Variants in IFNG observed in about 807,000 individuals in gnomAD.
IFNG encodes interferon gamma.
A neutral mutation model predicts 14.4 loss-of-function variants in IFNG; 8 were observed. The ratio of observed to expected loss-of-function variants is 0.56; its 90% CI spans 0.33 to 1.00. The LOEUF (loss-of-function observed/expected upper bound fraction) is 1.00, where lower values mean the gene tolerates loss of function less well. Among genes scored for constraint, IFNG ranks in the 50% least tolerant of loss-of-function variants. The pLI, the probability that IFNG is intolerant of heterozygous loss-of-function variation, is 0.03. For synonymous variants in IFNG, 73 were observed against 65.4 expected (o/e 1.12, Z -0.56); for missense variants, 132 against 194.9 (o/e 0.68, Z 1.92).
Position 68,155,399 on chromosome 12 carries a change from C to T in IFNG, c.455G>A (p.Arg152Gln), listed in dbSNP as rs377736305. Reference protein sequence around the residue: ...ELSPAAKTGKRKRSQMLFRGR... With the variant: ...ELSPAAKTGKQKRSQMLFRGR... ...TCGAAACAGCATCTGACTCCTTTTT[C>T]GCTTCCCTGTTTTAGCTGCTGGCGA... is the stretch of plus-strand genomic sequence containing the variant. The change falls in exon 4 of 4, where the codon CGA (arginine) becomes CAA (glutamine). Residue 152 changes from arginine to glutamine, a missense_variant. Physicochemically the swap from Arg to Gln is conservative, Grantham distance 43. Coordinates refer to ENST00000229135, the MANE Select transcript of IFNG (RefSeq NM_000619.3). The T allele has an allele frequency of 4.3e-5, 69 of 1,611,378 alleles. 1 individual carries two copies. The highest frequency in any genetic ancestry group is 1.2e-4 in the South Asian group (11 of 90,846).
Position 68,158,272 on chromosome 12 carries a change from AAAG to A in IFNG, c.115-16_115-14del, listed in dbSNP as rs2120747139. The A allele has an allele frequency of 1.3e-6, 2 of 1,573,074 alleles. No individual in the cohort carries two copies. Among genetic ancestry groups the A allele is most frequent in the Non-Finnish European group, 1.7e-6 (2 of 1,163,822 alleles). ...AATGACCTGCATTCTAAAAAAAAAA[AAAG>A]AAAAAATTGGTTTACAATTAGCCCA... On this transcript the variant is annotated splice_polypyrimidine_tract_variant and intron_variant, in intron 1 of 3. Transcript: ENST00000229135.
At chr12:68,157,792 A>C (rs911901538) in intron 3 of IFNG, 121 bp downstream of exon 3, 2 of 695,288 alleles carry the variant, frequency 2.9e-6, no homozygotes, top group Non-Finnish European at 4.8e-6. Context: ...GTAGAGTTTC[A>C]GCCATGAGTT....
At position 68,155,312 on chromosome 12, in the gene IFNG, G is replaced by C; in HGVS notation, c.*41C>G. 1 of 1,415,582 alleles carries C rather than the reference G, an allele frequency of 7.1e-7. No individual in the cohort carries two copies. The highest frequency in any genetic ancestry group is 2.5e-5 in the East Asian group (1 of 39,232). The allele number at this position is 1,415,582 out of a possible 1,614,324, so 87.7% of individuals were successfully genotyped here. On this transcript the variant is annotated 3_prime_UTR_variant, in exon 4 of 4. Coordinates refer to ENST00000229135, the MANE Select transcript of IFNG (RefSeq NM_000619.3). ...AAATAATGTTAAATATTAATAAATAGATTTAGATTTAAAATTCAAATATTG... is the reference window on the plus strand; with the variant it reads ...AAATAATGTTAAATATTAATAAATACATTTAGATTTAAAATTCAAATATTG...
chr12:68,157,237 A>G (rs1565725795), intron 3 of IFNG, among the ~76,000 whole-genome samples: 2 of 152,182 alleles, frequency 1.3e-5, no homozygotes, highest in African/African-American at 4.8e-5. Context: ...AAACAAACAA[A>G]CAGCAACCAT....
chr12:68,155,556 T>C, intron 3 of IFNG, 69 bp from the exon 4 acceptor site: 2 of 1,391,946 alleles, frequency 1.4e-6, no homozygotes, highest in Non-Finnish European at 2.0e-6. Flanking sequence ...GCTAATGTCA[T>C]GATGGTCAGT....
rs772653559 is a variant in IFNG, at chr12:68,155,359, G to T, written c.495C>A (p.Ser165=). 4 of 1,604,978 alleles carry T rather than the reference G, an allele frequency of 2.5e-6. No individual in the cohort carries two copies. In the African/African-American group the frequency reaches 5.4e-5, roughly 22 times the overall value. ...ATTGCAGGCAGGACAACCATTACTG[G>T]GATGCTCTTCGACCTCGAAACAGCA... is the stretch of plus-strand genomic sequence containing the variant. ...SQMLFRGRRA[S]Q is the part of the protein sequence containing the mutation. The change falls in exon 4 of 4, where the codon TCC becomes TCA. Residue 165 remains serine (S), a synonymous_variant. Coordinates refer to ENST00000229135, the MANE Select transcript of IFNG (RefSeq NM_000619.3).
chr12:68,157,215 A>G (rs1393404764), intron 3 of IFNG, among the ~76,000 whole-genome samples: 2 of 152,124 alleles, frequency 1.3e-5, no homozygotes, highest in African/African-American at 4.8e-5. Flanking sequence ...AATTCTATCT[A>G]TTTTTCCCTA....
chr12:68,158,261 T>TA lies in IFNG; in HGVS notation c.115-3dup, dbSNP rs2234686. On this transcript the variant is annotated splice_region_variant and splice_polypyrimidine_tract_variant and intron_variant, in intron 1 of 3. Transcript: ENST00000229135. ...CGCTACATCTGAATGACCTGCATTC[T>TA]AAAAAAAAAAAAAGAAAAAATTGGT... The TA allele has an allele frequency of 4.2e-3, 5,626 of 1,347,262 alleles. No homozygotes were observed. The highest frequency in any genetic ancestry group is 4.8e-3 in the Non-Finnish European group (4,766 of 995,550). The allele number at this position is 1,347,262 out of a possible 1,614,324, so 83.5% of individuals were successfully genotyped here.
chr12:68,158,494 A>G (rs989833365), intron 1 of IFNG, among the ~76,000 whole-genome samples: 1 of 152,204 alleles, frequency 6.6e-6, no homozygotes, highest in Admixed American at 6.5e-5. Flanking sequence ...GCAATGTCAC[A>G]AATGAGCTCA....
At chr12:68,155,945 T>C (rs1276322545) in intron 3 of IFNG, among the ~76,000 whole-genome samples, 1 of 152,196 alleles carries the variant, frequency 6.6e-6, no homozygotes, top group Non-Finnish European at 1.5e-5. Context: ...ATGCATCAAA[T>C]GAGTAACTAT....
chr12:68,157,349 T>C (rs1385919062), intron 3 of IFNG, among the ~76,000 whole-genome samples: 1 of 152,184 alleles, frequency 6.6e-6, no homozygotes, highest in Non-Finnish European at 1.5e-5. Flanking sequence ...TTCTATCTCA[T>C]TCTCATTTTC....
At chr12:68,158,714 AGTGTGTGT>A (rs34079299) in intron 1 of IFNG, among the ~76,000 whole-genome samples, 12 of 148,700 alleles carry the variant, frequency 8.1e-5, no homozygotes, top group African/African-American at 3.0e-4. Context: ...AACATGTGCG[AGTGTGTGT>A]GTGTGTGTGT....
intron 3 of IFNG, among the ~76,000 whole-genome samples, chr12:68,156,789 T>C (rs1240852474): frequency 1.3e-5 from 2 of 152,158 alleles, no homozygotes; most frequent in Non-Finnish European, 2.9e-5. Flanking sequence ...GGGGCACCAC[T>C]GGATTAGAAA....
chr12:68,155,239 T>C lies in IFNG; in HGVS notation c.*114A>G. The C allele has an allele frequency of 3.1e-6, 2 of 639,068 alleles. No individual in the cohort carries two copies. Among genetic ancestry groups the C allele is most frequent in the Non-Finnish European group, 4.9e-6 (2 of 411,580 alleles). The allele number at this position is 639,068 out of a possible 1,614,324, so 39.6% of individuals were successfully genotyped here. A position where few individuals can be genotyped will look rare whatever the true frequency, so the allele number is the denominator to read the frequency against. ...CATTTTCATTACACAAAAGTTGCTATTATAAATACTTATTTGATTGATGAG... is the reference window on the plus strand; with the variant it reads ...CATTTTCATTACACAAAAGTTGCTACTATAAATACTTATTTGATTGATGAG... On this transcript the variant is annotated 3_prime_UTR_variant, in exon 4 of 4. Coordinates refer to ENST00000229135, the MANE Select transcript of IFNG (RefSeq NM_000619.3).
chr12:68,155,415 C>G lies in IFNG; in HGVS notation c.439G>C (p.Ala147Pro), dbSNP rs1406282667. The G allele has an allele frequency of 1.2e-6, 2 of 1,612,184 alleles. No homozygotes were observed. Among genetic ancestry groups the G allele is most frequent in the Admixed American group, 1.7e-5 (1 of 59,756 alleles). The change falls in exon 4 of 4, where the codon GCT becomes CCT. Residue 147 changes from alanine (A) to proline (P), a missense_variant. Transcript: ENST00000229135. ...CTCCTTTTTCGCTTCCCTGTTTTAG[C>G]TGCTGGCGACAGTTCAGCCATCACT... ...IQVMAELSPA[A>P]KTGKRKRSQM...
intron 3 of IFNG, among the ~76,000 whole-genome samples, chr12:68,156,890 G>A (rs2120742827): frequency 6.6e-6 from 1 of 152,254 alleles, no homozygotes; most frequent in East Asian, 1.9e-4. Context: ...AGGAGTGAGA[G>A]GCAGGCCCAG....
At chr12:68,155,594 G>T in intron 3 of IFNG, 107 bp from the exon 4 acceptor site, 2 of 968,446 alleles carry the variant, frequency 2.1e-6, no homozygotes, top group Non-Finnish European at 1.5e-6. Flanking sequence ...TTTAAAAAAT[G>T]GACCGTATTA....
At chr12:68,157,670 C>A (rs1004647535) in intron 3 of IFNG, among the ~76,000 whole-genome samples, 1 of 152,220 alleles carries the variant, frequency 6.6e-6, no homozygotes, top group Non-Finnish European at 1.5e-5. Flanking sequence ...GATTTGTCAA[C>A]TCACCTGTCT....
Position 68,159,569 on chromosome 12 carries a change from A to C in IFNG, c.47T>G (p.Leu16Trp). 4 of 1,606,434 alleles carry C rather than the reference A, an allele frequency of 2.5e-6. No individual in the cohort carries two copies. The highest frequency in any genetic ancestry group is 3.4e-6 in the Non-Finnish European group (4 of 1,174,898). Reference sequence around the variant, plus strand: ...CTGGCAGTAACAGCCAAGAGAACCCAAAACGATGCAGAGCTGAAAAGCCAA... The same window carrying C: ...CTGGCAGTAACAGCCAAGAGAACCCCAAACGATGCAGAGCTGAAAAGCCAA... ...YILAFQLCIVLGSLGCYCQDP... is the reference protein window; with the variant it reads ...YILAFQLCIVWGSLGCYCQDP... Residue 16 changes from leucine to tryptophan, a missense_variant, in exon 1 of 4, where the codon TTG (leucine) becomes TGG (tryptophan). Physicochemically the swap from Leu to Trp is moderately conservative, Grantham distance 61. Transcript: ENST00000229135.
Sources: allele counts gnomAD v4.1 joint callset (sites outside exome capture counted in the v4.1 genomes callset), GRCh38; gene constraint gnomAD v4.1.1; transcripts MANE v1.5; gene names NCBI Gene and HGNC (gene_info 2026-07-23, HGNC 2026-07-21).